ATP6V1H: variants seen among roughly 807,000 people sequenced by gnomAD.
The protein encoded by ATP6V1H is V-type proton ATPase subunit H.
Under a neutral mutation model 71.7 loss-of-function variants are expected in ATP6V1H, and 39 were observed. The observed-to-expected ratio is 0.54, with a 90% CI of 0.42 to 0.71. The LOEUF is 0.71. ATP6V1H is among the 30% of genes least tolerant of loss of function. The pLI is 0.00. For synonymous variants in ATP6V1H, 192 were observed against 199.3 expected (o/e 0.96, Z 0.31); for missense variants, 509 against 594.9 (o/e 0.86, Z 1.50).
chr8:53,817,673 T>C (rs1336594863), intron 4 of ATP6V1H, 143 bp from the exon 5 acceptor site: 8 of 552,786 alleles, frequency 1.4e-5, no homozygotes, highest in African/African-American at 1.4e-4. Flanking sequence ...TCATTATTAC[T>C]ACGGGGCAGG....
Position 53,795,785 on chromosome 8 carries a change from A to T in ATP6V1H, c.732T>A (p.Ile244=). 6.2e-7 allele frequency: 1 copy of T among 1,614,080 alleles called. No homozygotes were observed. The highest frequency in any genetic ancestry group is 8.5e-7 in the Non-Finnish European group (1 of 1,179,990). Residue 244 remains isoleucine (I), a synonymous_variant, in exon 9 of 14, where the codon ATT becomes ATA. Coordinates refer to ENST00000359530, the MANE Select transcript of ATP6V1H (RefSeq NM_015941.4). ...KCGFQLQYQM[I]FSIWLLAFSP... is the part of the protein sequence containing the mutation. Reference sequence around the variant, plus strand: ...TGAATGCCAGGAGCCATATTGAAAAAATCATTTGATACTGGAGCTGAAAGC... The same window carrying T: ...TGAATGCCAGGAGCCATATTGAAAATATCATTTGATACTGGAGCTGAAAGC...
chr8:53,760,129 T>C (rs1242358928), intron 11 of ATP6V1H, among the ~76,000 whole-genome samples: 1 of 152,170 alleles, frequency 6.6e-6, no homozygotes, highest in East Asian at 1.9e-4. Context: ...GGAACGACAG[T>C]CTTCCAACAG....
chr8:53,834,432 T>G (rs1208585442), intron 2 of ATP6V1H, among the ~76,000 whole-genome samples: 1 of 149,772 alleles, frequency 6.7e-6, no homozygotes, highest in Non-Finnish European at 1.5e-5. Flanking sequence ...TGGTTTTTTG[T>G]TTGTTTGTTT....
At chr8:53,814,061 A>G (rs1810367990) in intron 6 of ATP6V1H, among the ~76,000 whole-genome samples, 1 of 152,176 alleles carries the variant, frequency 6.6e-6, no homozygotes. Context: ...TGCTGTTTGC[A>G]GTTTGAAATG....
rs766070300 is a variant in ATP6V1H at position 53,839,908 on chromosome 8, C to G, written c.113+1670G>C. 3.9e-4 allele frequency: 383 copies of G among 985,570 alleles called. 6 individuals carry two copies. Among genetic ancestry groups the G allele is most frequent in the Admixed American group, 1.8e-4 (3 of 16,268 alleles). The allele number at this position is 985,570 out of a possible 1,614,324, so 61.1% of individuals were successfully genotyped here. ...CTCCTTCCAACCACACACCCACACA[C>G]AGCATCTTCACGATCGGCCCCTGGC... On this transcript the variant is annotated intron_variant, in intron 2 of 13. Coordinates refer to ENST00000359530, the MANE Select transcript of ATP6V1H (RefSeq NM_015941.4).
intron 2 of ATP6V1H, 81 bp from the exon 3 acceptor site, chr8:53,833,167 T>C (rs1811062626): frequency 1.8e-6 from 2 of 1,124,436 alleles, no homozygotes; most frequent in Admixed American, 1.9e-5. Context: ...AGTCCTTCTC[T>C]TCTCTCCTTG....
intron 2 of ATP6V1H, chr8:53,840,076 T>C (rs890404396): frequency 4.1e-6 from 1 of 245,898 alleles, no homozygotes; most frequent in African/African-American, 2.3e-5. Context: ...CATGGCTAAA[T>C]ACCCATCATC....
intron 9 of ATP6V1H, among the ~76,000 whole-genome samples, chr8:53,780,049 C>G (rs1212701425): frequency 2.0e-5 from 3 of 151,566 alleles, no homozygotes; most frequent in African/African-American, 7.3e-5. Context: ...ATCACAGCTA[C>G]TCAGAAGGCT....
intron 13 of ATP6V1H, among the ~76,000 whole-genome samples, chr8:53,718,838 G>T (rs1316058901): frequency 2.0e-5 from 3 of 152,176 alleles, no homozygotes; most frequent in Admixed American, 6.5e-5. Context: ...GAAGAACAAG[G>T]ACTCATATAG....
At chr8:53,793,366 T>C (rs1272140022) in intron 9 of ATP6V1H, among the ~76,000 whole-genome samples, 1 of 152,184 alleles carries the variant, frequency 6.6e-6, no homozygotes, top group Non-Finnish European at 1.5e-5. Context: ...GGCCAGCTGC[T>C]GTGGCTAACA....
rs577053321 is a variant in ATP6V1H, at chr8:53,833,144, T to A, written c.114-58A>T. ...AAGAGTTGAATATGTAAGCAAGCGATAGAGGAATTTTCAGTCCTTCTCTTC... is the reference window on the plus strand; with the variant it reads ...AAGAGTTGAATATGTAAGCAAGCGAAAGAGGAATTTTCAGTCCTTCTCTTC... On this transcript the variant is annotated intron_variant, in intron 2 of 13. Coordinates refer to ENST00000359530, the MANE Select transcript of ATP6V1H (RefSeq NM_015941.4). 1.5e-4 allele frequency: 204 copies of A among 1,395,504 alleles called. 1 individual carries two copies. Among genetic ancestry groups the A allele is most frequent in the Admixed American group, 1.9e-4 (11 of 56,740 alleles). The allele number at this position is 1,395,504 out of a possible 1,614,324, so 86.4% of individuals were successfully genotyped here.
chr8:53,834,860 G>A (rs1198367034), intron 2 of ATP6V1H, among the ~76,000 whole-genome samples: 2 of 151,952 alleles, frequency 1.3e-5, no homozygotes, highest in African/African-American at 2.4e-5. Context: ...TGCACAGTTA[G>A]GCTAGGTGCA....
chr8:53,798,601 A>C (rs1000635647), intron 8 of ATP6V1H, among the ~76,000 whole-genome samples: 1 of 116,012 alleles, frequency 8.6e-6, no homozygotes, highest in Non-Finnish European at 1.8e-5. Flanking sequence ...TCCTATTTGC[A>C]ATGTGAGAAA....
At chr8:53,745,654 A>T (rs1375536118) in intron 12 of ATP6V1H, among the ~76,000 whole-genome samples, 1 of 151,962 alleles carries the variant, frequency 6.6e-6, no homozygotes, top group Non-Finnish European at 1.5e-5. Flanking sequence ...AACATTACAC[A>T]GCACTCCAGA....
chr8:53,775,159 TGAGTG>T (rs1808820860), intron 9 of ATP6V1H, among the ~76,000 whole-genome samples: 2 of 152,112 alleles, frequency 1.3e-5, no homozygotes, highest in Non-Finnish European at 2.9e-5. Context: ...ACCTTCGCGG[TGAGTG>T]TTACGGCTCT....
At chr8:53,769,379 T>C (rs1808573023) in intron 11 of ATP6V1H, among the ~76,000 whole-genome samples, 1 of 152,124 alleles carries the variant, frequency 6.6e-6, no homozygotes. Flanking sequence ...AACAACTTCA[T>C]GTTCAGAATA....
At chr8:53,737,865 A>AG (rs1807276618) in intron 13 of ATP6V1H, among the ~76,000 whole-genome samples, 2 of 152,068 alleles carry the variant, frequency 1.3e-5, no homozygotes, top group African/African-American at 4.8e-5. Context: ...ATAGGCTGAT[A>AG]CTCTTCCTCC....
At chr8:53,788,896 T>C (rs1223752476) in intron 9 of ATP6V1H, among the ~76,000 whole-genome samples, 1 of 152,206 alleles carries the variant, frequency 6.6e-6, no homozygotes, top group East Asian at 1.9e-4. Context: ...GCTCTACACT[T>C]ATGGTGACTT....
intron 9 of ATP6V1H, among the ~76,000 whole-genome samples, chr8:53,774,134 C>T (rs901993647): frequency 6.6e-6 from 1 of 152,132 alleles, no homozygotes; most frequent in African/African-American, 2.4e-5. Flanking sequence ...CTGCAAGTTT[C>T]CCAAATTCAA....
Sources: gnomAD v4.1 joint callset for allele counts (sites outside exome capture counted in the v4.1 genomes callset) on GRCh38, gnomAD v4.1.1 for gene constraint, MANE v1.5 for transcripts, NCBI Gene and HGNC (gene_info 2026-07-23, HGNC 2026-07-21) for gene names.